MAF: variants seen among roughly 807,000 people sequenced by gnomAD.
The protein encoded by MAF is transcription factor Maf.
Under a neutral mutation model 22.0 loss-of-function variants are expected in MAF, and 10 were observed. That is an observed-to-expected ratio of 0.45 (90% CI 0.28 to 0.77). The LOEUF (loss-of-function observed/expected upper bound fraction) is 0.77, where lower values mean the gene tolerates loss of function less well. MAF is among the 30% of genes least tolerant of loss of function. The pLI is 0.12. For missense variants in MAF, 544 were observed against 548.4 expected (o/e 0.99, Z 0.08); for synonymous variants, 337 against 255.8 (o/e 1.32, Z -3.03).
At chr16:79,571,541 T>TC in the MAF span, among the ~76,000 whole-genome samples, 1 of 137,822 alleles carries the variant, frequency 7.3e-6, no homozygotes, top group Admixed American at 7.2e-5. Context: ...TTTTTTTTTT[T>TC]TTTTTTTTTT....
the MAF span, among the ~76,000 whole-genome samples, chr16:79,359,632 T>G: frequency 6.6e-6 from 1 of 152,202 alleles, no homozygotes; most frequent in Non-Finnish European, 1.5e-5. Context: ...ATTACGGAAA[T>G]CAATTAAGGT....
the MAF span, among the ~76,000 whole-genome samples, chr16:79,227,611 A>G: frequency 6.6e-6 from 1 of 151,964 alleles, no homozygotes; most frequent in Non-Finnish European, 1.5e-5. Flanking sequence ...GAGTATGGAT[A>G]TATGACAAAC....
the MAF span, among the ~76,000 whole-genome samples, chr16:79,327,037 C>G: frequency 6.6e-6 from 1 of 152,342 alleles, no homozygotes; most frequent in Middle Eastern, 3.4e-3. Flanking sequence ...TCTGGCCTCA[C>G]AGTCTGCATA....
At chr16:79,555,709 T>G in the MAF span, among the ~76,000 whole-genome samples, 4 of 152,204 alleles carry the variant, frequency 2.6e-5, no homozygotes, top group African/African-American at 9.6e-5. Flanking sequence ...GGATACTCAG[T>G]CAATAAATAT....
chr16:79,351,809 T>C, the MAF span, among the ~76,000 whole-genome samples: 13 of 152,144 alleles, frequency 8.5e-5, 1 homozygote, highest in Admixed American at 7.9e-4. Flanking sequence ...GAACACACAA[T>C]TGTTGCCTCA....
At chr16:79,527,153 G>A in the MAF span, among the ~76,000 whole-genome samples, 9 of 152,012 alleles carry the variant, frequency 5.9e-5, no homozygotes, top group African/African-American at 2.2e-4. Flanking sequence ...CTATTTCCAG[G>A]GACAGACCAC....
chr16:79,534,300 T>C, the MAF span, among the ~76,000 whole-genome samples: 197 of 152,352 alleles, frequency 1.3e-3, 1 homozygote, highest in African/African-American at 4.1e-3. Flanking sequence ...TTCTTCCTCC[T>C]GTGTCTCCTT....
At chr16:79,452,502 G>A in the MAF span, among the ~76,000 whole-genome samples, 1 of 151,968 alleles carries the variant, frequency 6.6e-6, no homozygotes, top group Non-Finnish European at 1.5e-5. Flanking sequence ...ACTCTAGAAG[G>A]ATTTTTTAAA....
At chr16:79,385,668 C>A in the MAF span, among the ~76,000 whole-genome samples, 5,978 of 152,042 alleles carry the variant, frequency 0.039, 392 homozygotes, top group African/African-American at 0.14. Context: ...TGGGAGGCTG[C>A]GGCAGGTGGA....
the MAF span, among the ~76,000 whole-genome samples, chr16:79,251,988 T>C: frequency 6.6e-6 from 1 of 152,274 alleles, no homozygotes; most frequent in South Asian, 2.1e-4. Context: ...AAATGAGTTA[T>C]TCTGGTGTAA....
chr16:79,586,166 C>T (rs1421665209), intron 1 of MAF, among the ~76,000 whole-genome samples: 4 of 152,204 alleles, frequency 2.6e-5, no homozygotes, highest in African/African-American at 7.2e-5. Context: ...AGTTCACTCC[C>T]TCTGAACTAC....
At chr16:79,345,337 G>A in the MAF span, among the ~76,000 whole-genome samples, 2 of 152,060 alleles carry the variant, frequency 1.3e-5, no homozygotes, top group Admixed American at 1.3e-4. Flanking sequence ...ATCCAAATTT[G>A]TCCTAAAATA....
chr16:79,334,885 GT>G, the MAF span, among the ~76,000 whole-genome samples: 1 of 150,142 alleles, frequency 6.7e-6, no homozygotes, highest in African/African-American at 2.5e-5. Flanking sequence ...GTGTGTGTGT[GT>G]TTAAAGAACA....
At chr16:79,407,672 T>G in the MAF span, among the ~76,000 whole-genome samples, 2 of 152,144 alleles carry the variant, frequency 1.3e-5, no homozygotes, top group African/African-American at 4.8e-5. Flanking sequence ...CATTTTTTTC[T>G]TCATGTCAGA....
chr16:79,396,658 G>A, the MAF span, among the ~76,000 whole-genome samples: 1 of 152,296 alleles, frequency 6.6e-6, no homozygotes, highest in East Asian at 1.9e-4. Flanking sequence ...TTCATAAGGG[G>A]CAGAAGAATG....
the MAF span, among the ~76,000 whole-genome samples, chr16:79,231,723 A>T: frequency 6.6e-6 from 1 of 152,116 alleles, no homozygotes; most frequent in Non-Finnish European, 1.5e-5. Flanking sequence ...TTCACGGAAG[A>T]CAGTTTTTCT....
chr16:79,598,607 T>C (rs1040166969), intron 1 of MAF, 178 bp downstream of exon 1: 9 of 1,486,028 alleles, frequency 6.1e-6, no homozygotes, highest in Non-Finnish European at 7.1e-6. Flanking sequence ...TGTGTGTGTG[T>C]GTGGTGTGTG....
At chr16:79,315,562 G>A in the MAF span, among the ~76,000 whole-genome samples, 82 of 152,218 alleles carry the variant, frequency 5.4e-4, no homozygotes, top group African/African-American at 1.8e-3. Context: ...TTTTACAGAC[G>A]GGGAAAATGA....
the MAF span, among the ~76,000 whole-genome samples, chr16:79,531,639 C>A: frequency 6.6e-6 from 1 of 152,094 alleles, no homozygotes; most frequent in Non-Finnish European, 1.5e-5. Flanking sequence ...ATACGCAGTT[C>A]ACAGTAGAGT....
Sources: allele counts gnomAD v4.1 joint callset (sites outside exome capture counted in the v4.1 genomes callset), GRCh38; gene constraint gnomAD v4.1.1; transcripts MANE v1.5; gene names NCBI Gene and HGNC (gene_info 2026-07-23, HGNC 2026-07-21).